KIAA1217: variants seen among roughly 807,000 people sequenced by gnomAD.
KIAA1217 encodes sickle tail protein homolog.
A neutral mutation model predicts 163.9 loss-of-function variants in KIAA1217; 88 were observed. The ratio of observed to expected loss-of-function variants is 0.54; its 90% CI spans 0.45 to 0.64. The LOEUF is 0.64. Ranked by LOEUF, KIAA1217 falls within the 30% of genes least tolerant of loss-of-function variation. The pLI is 0.00. For missense variants in KIAA1217, 2,372 were observed against 2,475.0 expected (o/e 0.96, Z 0.88); for synonymous variants, 903 against 923.1 (o/e 0.98, Z 0.39).
chr10:24,532,091 G>A (rs915665809), intron 15 of KIAA1217, 98 bp downstream of exon 15: 2 of 1,163,722 alleles, frequency 1.7e-6, no homozygotes, highest in Non-Finnish European at 2.3e-6. Context: ...GTGAGGCAGA[G>A]AAGTAGTAAC....
At chr10:23,989,465 T>A (rs1306844771) in intron 1 of KIAA1217, among the ~76,000 whole-genome samples, 2 of 152,198 alleles carry the variant, frequency 1.3e-5, no homozygotes, top group Non-Finnish European at 2.9e-5. Context: ...CTTGGGGAAC[T>A]TAGCAAGGCC....
chr10:24,349,132 C>CAAAA (rs11318554), intron 2 of KIAA1217, among the ~76,000 whole-genome samples: 3 of 105,534 alleles, frequency 2.8e-5, no homozygotes, highest in African/African-American at 3.7e-5. Flanking sequence ...GACCCTGTCT[C>CAAAA]AAAAAAAAAA....
chr10:24,296,410 G>C (rs770247279), intron 2 of KIAA1217, among the ~76,000 whole-genome samples: 7 of 152,126 alleles, frequency 4.6e-5, no homozygotes, highest in African/African-American at 7.2e-5. Context: ...GCCCGGCCAG[G>C]ATCCACATTT....
intron 2 of KIAA1217, among the ~76,000 whole-genome samples, chr10:24,301,489 T>C (rs924284041): frequency 2.6e-5 from 4 of 152,158 alleles, no homozygotes; most frequent in Non-Finnish European, 4.4e-5. Context: ...CAGTGCCAGG[T>C]GCAGCATAGT....
intron 8 of KIAA1217, 25 bp from the exon 9 acceptor site, chr10:24,501,354 G>A: frequency 3.8e-6 from 6 of 1,592,746 alleles, no homozygotes; most frequent in Non-Finnish European, 5.2e-6. Flanking sequence ...GGCCTTCTGA[G>A]TTCTCTGATG....
intron 2 of KIAA1217, among the ~76,000 whole-genome samples, chr10:24,149,398 G>A (rs150656750): frequency 6.6e-6 from 1 of 151,892 alleles, no homozygotes; most frequent in Non-Finnish European, 1.5e-5. Flanking sequence ...TGACCAGGCT[G>A]GTCTCGAACT....
At chr10:24,119,225 C>T (rs1327756177) in intron 2 of KIAA1217, among the ~76,000 whole-genome samples, 2 of 152,070 alleles carry the variant, frequency 1.3e-5, no homozygotes, top group Non-Finnish European at 2.9e-5. Flanking sequence ...ATAATATAAA[C>T]GATATTTTAA....
At chr10:24,083,118 C>T (rs751600728) in intron 2 of KIAA1217, among the ~76,000 whole-genome samples, 8 of 151,944 alleles carry the variant, frequency 5.3e-5, no homozygotes, top group Non-Finnish European at 7.4e-5. Context: ...TCTTGGCTGC[C>T]GTTTTGTAAT....
At chr10:24,317,357 G>T (rs997433074) in intron 2 of KIAA1217, among the ~76,000 whole-genome samples, 10 of 152,042 alleles carry the variant, frequency 6.6e-5, no homozygotes, top group African/African-American at 2.2e-4. Context: ...GGACTCAAGC[G>T]ATTCCCCCAC....
chr10:24,241,004 C>A (rs906698287), intron 2 of KIAA1217, among the ~76,000 whole-genome samples: 5 of 152,066 alleles, frequency 3.3e-5, no homozygotes, highest in Non-Finnish European at 5.9e-5. Context: ...TGCCACTGTG[C>A]CAGGCTAATT....
intron 8 of KIAA1217, among the ~76,000 whole-genome samples, chr10:24,496,282 A>G (rs1477236122): frequency 6.6e-6 from 1 of 152,270 alleles, no homozygotes; most frequent in African/African-American, 2.4e-5. Flanking sequence ...TGTTTTGCTT[A>G]GAAATCAATC....
intron 3 of KIAA1217, among the ~76,000 whole-genome samples, chr10:24,404,566 CAAAAA>C (rs57209065): frequency 7.8e-5 from 4 of 51,182 alleles, no homozygotes; most frequent in East Asian, 1.1e-3. Context: ...GACTCTGTCT[CAAAAA>C]AAAAAAAAAA....
chr10:24,499,656 C>T (rs1366702709), intron 8 of KIAA1217, among the ~76,000 whole-genome samples: 1 of 152,150 alleles, frequency 6.6e-6, no homozygotes, highest in African/African-American at 2.4e-5. Flanking sequence ...CGCTTGCACC[C>T]AGGAGGCAGA....
intron 1 of KIAA1217, among the ~76,000 whole-genome samples, chr10:23,721,404 G>T (rs1837867649): frequency 6.6e-6 from 1 of 152,190 alleles, no homozygotes; most frequent in African/African-American, 2.4e-5. Flanking sequence ...CACAGTGTAT[G>T]GGTAAAATAA....
chr10:23,846,274 C>G (rs772481458), intron 1 of KIAA1217, among the ~76,000 whole-genome samples: 4 of 152,108 alleles, frequency 2.6e-5, no homozygotes, highest in Non-Finnish European at 4.4e-5. Flanking sequence ...TGAAGGAAGT[C>G]AGTGGTAGCT....
In KIAA1217 at chr10:24,520,134, A is replaced by T. The variant is rs2070867736; in HGVS notation, c.2189A>T (p.Asp730Val). 1.2e-6 allele frequency: 2 copies of T among 1,613,890 alleles called. No homozygotes were observed. The highest frequency in any genetic ancestry group is 1.7e-6 in the Non-Finnish European group (2 of 1,179,866). ...CCTTGCTCCCGCAGCGAGTTGGAAG[A>T]CTTTGTTGAAGACTTGAAGAAGGAC... ...KIVKKLCELE[D>V]FVEDLKKDST... is the part of the protein sequence containing the mutation. Residue 730 changes from aspartate (D) to valine (V), a missense_variant, in exon 11 of 21, where the codon GAC (aspartate) becomes GTC (valine). Physicochemically the swap from Asp to Val is radical, Grantham distance 152 (BLOSUM62 -3). Coordinates refer to ENST00000376454, the MANE Select transcript of KIAA1217 (RefSeq NM_019590.5).
intron 1 of KIAA1217, among the ~76,000 whole-genome samples, chr10:23,750,215 C>T (rs150034837): frequency 3.9e-5 from 6 of 152,284 alleles, no homozygotes; most frequent in African/African-American, 1.4e-4. Flanking sequence ...CTGATCATGT[C>T]ATTCTTCTGC....
intron 1 of KIAA1217, among the ~76,000 whole-genome samples, chr10:23,776,358 A>ATATT (rs1491141156): frequency 7.7e-5 from 6 of 77,564 alleles, no homozygotes; most frequent in African/African-American, 3.1e-4. Context: ...ATATATATAT[A>ATATT]TTTACAATTT....
chr10:24,048,518 G>C (rs1033626388), intron 2 of KIAA1217, among the ~76,000 whole-genome samples: 3 of 151,472 alleles, frequency 2.0e-5, no homozygotes. Context: ...ATTACTTGAA[G>C]TCAGGAGTTT....
Sources: allele counts gnomAD v4.1 joint callset (sites outside exome capture counted in the v4.1 genomes callset), GRCh38; gene constraint gnomAD v4.1.1; transcripts MANE v1.5; gene names NCBI Gene and HGNC (gene_info 2026-07-23, HGNC 2026-07-21).